ZNRF1: variants seen among roughly 807,000 people sequenced by gnomAD.
ZNRF1 encodes the protein zinc and ring finger 1.
A neutral mutation model predicts 18.4 loss-of-function variants in ZNRF1; 3 were observed. That is an observed-to-expected ratio of 0.16 (90% CI 0.07 to 0.42). The LOEUF is 0.42. ZNRF1 is among the 10% of genes least tolerant of loss of function. ZNRF1 has a pLI of 0.99. For missense variants in ZNRF1, 310 were observed against 329.8 expected (o/e 0.94, Z 0.47); for synonymous variants, 157 against 144.2 (o/e 1.09, Z -0.64).
chr16:75,092,676 C>A (rs963517977), intron 1 of ZNRF1, among the ~76,000 whole-genome samples: 2 of 152,134 alleles, frequency 1.3e-5, no homozygotes, highest in African/African-American at 2.4e-5. Flanking sequence ...AGTATGGGTA[C>A]AATTCTGTAT....
intron 1 of ZNRF1, among the ~76,000 whole-genome samples, chr16:75,012,512 CTG>C (rs1597856652): frequency 2.0e-5 from 3 of 152,164 alleles, no homozygotes; most frequent in South Asian, 2.1e-4. Flanking sequence ...ATAAGGTCGT[CTG>C]TGCTCTTCTA....
chr16:75,104,767 C>T lies in ZNRF1; in HGVS notation c.521-17C>T. 6.3e-7 allele frequency: 1 copy of T among 1,582,364 alleles called. No individual in the cohort carries two copies. Among genetic ancestry groups the T allele is most frequent in the South Asian group, 1.2e-5 (1 of 86,282 alleles). ...TGGTGACTAACCCTCCTGCACTCTC[C>T]CCTGTCCCCCTTGCAGATGATGTGC... is the stretch of plus-strand genomic sequence containing the variant. On this transcript the variant is annotated splice_polypyrimidine_tract_variant and intron_variant, in intron 2 of 4. Transcript: ENST00000335325.
intron 1 of ZNRF1, chr16:75,084,341 A>G (rs2036050464): frequency 6.6e-6 from 1 of 152,258 alleles, no homozygotes; most frequent in Non-Finnish European, 1.5e-5. Flanking sequence ...ATTTCTCTAA[A>G]GAAGGAAGAC....
rs1043114826 is a variant in ZNRF1 at position 74,999,536 on chromosome 16, T to G, written c.-136T>G. On this transcript the variant is annotated 5_prime_UTR_variant, in exon 1 of 5. Transcript: ENST00000335325. The stretch of plus-strand genomic sequence containing the variant: ...GGGTTTTTTCCTTTTTTCCTTTTGC[T>G]TTTTTTCCTTTTCTCCCTCCGGGTC... 4 of 643,762 alleles carry G rather than the reference T, an allele frequency of 6.2e-6. No homozygotes were observed. The highest frequency in any genetic ancestry group is 3.4e-5 in the East Asian group (1 of 28,992). 39.9% of individuals were successfully genotyped at this position (643,762 alleles called of 1,614,324 possible). A position where few individuals can be genotyped will look rare whatever the true frequency, so the allele number is the denominator to read the frequency against.
intron 1 of ZNRF1, among the ~76,000 whole-genome samples, chr16:75,010,873 G>A (rs1023784588): frequency 5.9e-5 from 9 of 152,022 alleles, no homozygotes; most frequent in African/African-American, 1.9e-4. Flanking sequence ...ACCACAGCCG[G>A]CTAATTTTGT....
chr16:75,051,067 G>A (rs1452139145), intron 1 of ZNRF1, among the ~76,000 whole-genome samples: 1 of 148,834 alleles, frequency 6.7e-6, no homozygotes, highest in Non-Finnish European at 1.5e-5. Context: ...TGGGTGTCGT[G>A]GCACATGCCT....
At chr16:75,047,243 G>C (rs1021453697) in intron 1 of ZNRF1, among the ~76,000 whole-genome samples, 4 of 152,196 alleles carry the variant, frequency 2.6e-5, no homozygotes, top group African/African-American at 7.2e-5. Context: ...CATGATCACA[G>C]TTCACTGTAA....
intron 1 of ZNRF1, among the ~76,000 whole-genome samples, chr16:75,012,462 T>C (rs2145325289): frequency 6.6e-6 from 1 of 152,302 alleles, no homozygotes; most frequent in South Asian, 2.1e-4. Context: ...GCTTGGTGCT[T>C]GGCACTGATC....
chr16:75,097,448 G>A (rs912698248), intron 2 of ZNRF1, among the ~76,000 whole-genome samples: 2 of 152,158 alleles, frequency 1.3e-5, no homozygotes, highest in Non-Finnish European at 2.9e-5. Flanking sequence ...CTTATGTCAT[G>A]ATGCCCTCTT....
At chr16:75,027,765 A>G (rs2035245730) in intron 1 of ZNRF1, among the ~76,000 whole-genome samples, 1 of 152,194 alleles carries the variant, frequency 6.6e-6, no homozygotes, top group South Asian at 2.1e-4. Context: ...CTGGGTTAGA[A>G]GAAACACTGA....
intron 1 of ZNRF1, among the ~76,000 whole-genome samples, chr16:75,024,159 C>T (rs943483769): frequency 2.6e-5 from 4 of 152,064 alleles, no homozygotes; most frequent in African/African-American, 4.8e-5. Context: ...CATGAGCCAC[C>T]GCACCCAGCC....
chr16:75,073,202 A>G (rs1035126584), intron 1 of ZNRF1, among the ~76,000 whole-genome samples: 2 of 151,864 alleles, frequency 1.3e-5, no homozygotes, highest in Admixed American at 6.6e-5. Flanking sequence ...ATAGATATGT[A>G]TACGTATCTA....
At chr16:75,021,792 GATTTA>G (rs1304835119) in intron 1 of ZNRF1, among the ~76,000 whole-genome samples, 1 of 151,962 alleles carries the variant, frequency 6.6e-6, no homozygotes, top group Non-Finnish European at 1.5e-5. Flanking sequence ...ATATGTTCCG[GATTTA>G]ATTTATTTTT....
rs536571496 is a variant in ZNRF1 at position 75,033,201 on chromosome 16, T to A, written c.424+33106T>A. On this transcript the variant is annotated intron_variant, in intron 1 of 4. Transcript: ENST00000335325. ...TTTATTCTTTTTTTAAATTCTTATT[T>A]AGGGTATTCTCAGGCTTTCAAATTT... Among the ~76,000 whole-genome samples, 25 of 151,438 alleles carry A rather than the reference T, an allele frequency of 1.7e-4. No homozygotes were observed. The South Asian group carries it at 5.0e-3, about 30-fold the overall frequency.
At chr16:75,035,219 T>C in intron 1 of ZNRF1, among the ~76,000 whole-genome samples, 1 of 149,400 alleles carries the variant, frequency 6.7e-6, no homozygotes, top group East Asian at 2.0e-4. Flanking sequence ...ATTTTTGTAG[T>C]GACAGGGTTT....
At chr16:75,063,425 T>A (rs1228691805) in intron 1 of ZNRF1, among the ~76,000 whole-genome samples, 1 of 152,120 alleles carries the variant, frequency 6.6e-6, no homozygotes, top group African/African-American at 2.4e-5. Context: ...TTACTTTATC[T>A]CCCTTCATCT....
chr16:75,110,811 G>A lies in ZNRF1; in HGVS notation c.*3111G>A, dbSNP rs1597916693. 6.6e-6 allele frequency: 1 copy of A among 152,340 alleles called. No homozygotes were observed. Among genetic ancestry groups the A allele is most frequent in the South Asian group, 2.1e-4 (1 of 4,814 alleles). 9.4% of individuals were successfully genotyped at this position (152,340 alleles called of 1,614,324 possible). On this transcript the variant is annotated 3_prime_UTR_variant, in exon 5 of 5. Coordinates refer to ENST00000335325, the MANE Select transcript of ZNRF1 (RefSeq NM_032268.5). ...GCAGCTGCTGCAGGATTCTCGCCTG[G>A]AAGAGTGGGTGGCTGGCTGGCTGGC...
intron 2 of ZNRF1, among the ~76,000 whole-genome samples, chr16:75,098,334 G>A (rs1222779215): frequency 1.3e-5 from 2 of 152,250 alleles, no homozygotes; most frequent in Non-Finnish European, 2.9e-5. Context: ...AGTGGCCTCA[G>A]TAGGAAAGTA....
intron 1 of ZNRF1, among the ~76,000 whole-genome samples, chr16:75,068,904 G>T (rs1324570127): frequency 6.6e-6 from 1 of 151,614 alleles, no homozygotes; most frequent in Non-Finnish European, 1.5e-5. Flanking sequence ...CTGTGAAATG[G>T]GCCAGAAGTT....
Sources: allele counts gnomAD v4.1 joint callset (sites outside exome capture counted in the v4.1 genomes callset), GRCh38; gene constraint gnomAD v4.1.1; transcripts MANE v1.5; gene names NCBI Gene and HGNC (gene_info 2026-07-23, HGNC 2026-07-21).